CSTPP1: variants seen among roughly 807,000 people sequenced by gnomAD.
The protein encoded by CSTPP1 is centriolar satellite-associated tubulin polyglutamylase complex regulator 1, also known as UPF0705 protein C11orf49.
chr11:46,981,622 G>C, the CSTPP1 span, among the ~76,000 whole-genome samples: 1 of 152,004 alleles, frequency 6.6e-6, no homozygotes, highest in African/African-American at 2.4e-5. Context: ...GATTTTTCTT[G>C]TTTTGCTTTC....
chr11:47,041,388 T>C, the CSTPP1 span: 2 of 250,642 alleles, frequency 8.0e-6, 1 homozygote, highest in Non-Finnish European at 1.7e-5. Flanking sequence ...AAGTAGATGA[T>C]GGACAGTGTC....
At chr11:47,039,108 G>A in the CSTPP1 span, among the ~76,000 whole-genome samples, 6 of 126,982 alleles carry the variant, frequency 4.7e-5, no homozygotes, top group Non-Finnish European at 9.4e-5. Context: ...GGTGGCGGCC[G>A]GGCAGAGGCT....
the CSTPP1 span, among the ~76,000 whole-genome samples, chr11:47,094,686 C>G: frequency 6.6e-6 from 1 of 152,176 alleles, no homozygotes; most frequent in African/African-American, 2.4e-5. Context: ...GTTATTTAGT[C>G]ACATTAGTCA....
the CSTPP1 span, among the ~76,000 whole-genome samples, chr11:47,051,691 C>CT: frequency 0.014 from 1,911 of 132,994 alleles, 34 homozygotes; most frequent in African/African-American, 0.037. Flanking sequence ...TATCTTTTTT[C>CT]TTTTTTTTTT....
At chr11:46,937,322 G>C in the CSTPP1 span, among the ~76,000 whole-genome samples, 3 of 135,698 alleles carry the variant, frequency 2.2e-5, no homozygotes, top group African/African-American at 8.4e-5. Flanking sequence ...TTTGCAGGTG[G>C]AGAAACTGGG....
the CSTPP1 span, among the ~76,000 whole-genome samples, chr11:47,049,869 TAAAAC>T: frequency 2.0e-5 from 3 of 151,718 alleles, no homozygotes; most frequent in Non-Finnish European, 2.9e-5. Context: ...AGAAAAGAAT[TAAAAC>T]AAAACTTTAC....
At chr11:46,998,350 A>G in the CSTPP1 span, among the ~76,000 whole-genome samples, 1 of 152,188 alleles carries the variant, frequency 6.6e-6, no homozygotes, top group Non-Finnish European at 1.5e-5. Context: ...GCTTTTATCT[A>G]CCAACACACT....
chr11:46,988,887 T>A, the CSTPP1 span, among the ~76,000 whole-genome samples: 243 of 152,216 alleles, frequency 1.6e-3, 1 homozygote, highest in African/African-American at 5.1e-3. Flanking sequence ...AAAAATTTTT[T>A]AAAGGAATAT....
At chr11:46,958,957 C>T in the CSTPP1 span, among the ~76,000 whole-genome samples, 4 of 152,168 alleles carry the variant, frequency 2.6e-5, no homozygotes, top group East Asian at 1.9e-4. Flanking sequence ...ATTCAATCTA[C>T]TCATTCAAAT....
the CSTPP1 span, among the ~76,000 whole-genome samples, chr11:47,042,129 G>C: frequency 6.9e-5 from 5 of 72,478 alleles, 1 homozygote; most frequent in East Asian, 1.6e-3. Flanking sequence ...TTGAGCTCAG[G>C]AGTTCAAGGC....
chr11:46,951,278 G>GAT, the CSTPP1 span, among the ~76,000 whole-genome samples: 1 of 148,426 alleles, frequency 6.7e-6, no homozygotes, highest in African/African-American at 2.5e-5. Flanking sequence ...CAGAATATAT[G>GAT]ATATATTCCT....
At chr11:47,161,737 C>T in the CSTPP1 span, 8 of 1,473,628 alleles carry the variant, frequency 5.4e-6, no homozygotes, top group Admixed American at 2.5e-5. Context: ...CTGTGCTGCC[C>T]TCTGCTGCTG....
the CSTPP1 span, among the ~76,000 whole-genome samples, chr11:46,997,069 T>A: frequency 1.3e-5 from 2 of 152,218 alleles, no homozygotes; most frequent in African/African-American, 2.4e-5. Flanking sequence ...CTTTGTGGTG[T>A]TCTCTGTATT....
At chr11:47,104,263 C>T in the CSTPP1 span, among the ~76,000 whole-genome samples, 4 of 152,182 alleles carry the variant, frequency 2.6e-5, no homozygotes, top group African/African-American at 9.7e-5. Flanking sequence ...CTTCAAGCTC[C>T]CTGACACCCA....
At chr11:47,122,660 G>A in the CSTPP1 span, among the ~76,000 whole-genome samples, 1 of 152,056 alleles carries the variant, frequency 6.6e-6, no homozygotes, top group Non-Finnish European at 1.5e-5. Flanking sequence ...TCAGCTCACT[G>A]CAACCTCCGC....
At chr11:47,113,368 G>T in the CSTPP1 span, among the ~76,000 whole-genome samples, 13 of 152,154 alleles carry the variant, frequency 8.5e-5, no homozygotes, top group Middle Eastern at 3.4e-3. Flanking sequence ...TAATGGGATG[G>T]CTGGGATGGC....
At chr11:47,046,411 A>G in the CSTPP1 span, among the ~76,000 whole-genome samples, 1 of 152,038 alleles carries the variant, frequency 6.6e-6, no homozygotes, top group Non-Finnish European at 1.5e-5. Flanking sequence ...GAAATTAAGA[A>G]AAGCAATTCT....
At chr11:46,967,993 A>G in the CSTPP1 span, among the ~76,000 whole-genome samples, 1 of 151,960 alleles carries the variant, frequency 6.6e-6, no homozygotes. Flanking sequence ...GAAGGGCGGA[A>G]GAAAGCAGAA....
chr11:47,120,979 A>G, the CSTPP1 span, among the ~76,000 whole-genome samples: 1 of 152,168 alleles, frequency 6.6e-6, no homozygotes, highest in African/African-American at 2.4e-5. This position sits in a 1 kb window ranked among gnomAD's most constrained non-coding sequence, Gnocchi z 4.2. Context: ...TATAACTTAC[A>G]TGGAAATCTT....
Sources: allele counts gnomAD v4.1 joint callset (sites outside exome capture counted in the v4.1 genomes callset), GRCh38; gene constraint gnomAD v4.1.1; non-coding constraint Gnocchi (gnomAD v3.1); transcripts MANE v1.5; gene names NCBI Gene and HGNC (gene_info 2026-07-23, HGNC 2026-07-21).